DPP6: variants seen among roughly 807,000 people sequenced by gnomAD.
DPP6 encodes dipeptidyl peptidase like 6.
DPP6 carries 69 observed loss-of-function variants against 122.6 expected under a neutral mutation model. That is an observed-to-expected ratio of 0.56 (90% CI 0.46 to 0.69). The LOEUF (loss-of-function observed/expected upper bound fraction) is 0.69, where lower values mean the gene tolerates loss of function less well. Ranked by LOEUF, DPP6 falls within the 30% of genes least tolerant of loss-of-function variation. The pLI is 0.00. For synonymous variants in DPP6, 418 were observed against 433.1 expected, an observed-to-expected ratio of 0.97 and a Z score of 0.43; for missense variants, 928 against 1,116.9, an observed-to-expected ratio of 0.83 and a Z score of 2.41.
At chr7:154,178,189 G>T (rs1234137445) in intron 1 of DPP6, among the ~76,000 whole-genome samples, 1 of 152,120 alleles carries the variant, frequency 6.6e-6, no homozygotes, top group Non-Finnish European at 1.5e-5. Flanking sequence ...AAGAACAAAA[G>T]GTCACTGCTA....
chr7:154,876,955 A>G (rs114531859), intron 20 of DPP6: 4,020 of 152,404 alleles, frequency 0.026, 160 homozygotes, highest in African/African-American at 0.088. Flanking sequence ...CGCCGCGACC[A>G]TGATCATCAC....
chr7:154,549,708 G>T (rs1026874291), intron 4 of DPP6, among the ~76,000 whole-genome samples: 1 of 152,148 alleles, frequency 6.6e-6, no homozygotes, highest in Non-Finnish European at 1.5e-5. Flanking sequence ...TCATTCCCAA[G>T]AAGTCATGTC....
intron 1 of DPP6, among the ~76,000 whole-genome samples, chr7:154,343,254 C>T (rs1810086535): frequency 6.6e-6 from 1 of 152,228 alleles, no homozygotes; most frequent in Non-Finnish European, 1.5e-5. Flanking sequence ...AACCAAGATT[C>T]TGAAGGAGTA....
chr7:154,205,773 A>T (rs1306748289), intron 1 of DPP6, among the ~76,000 whole-genome samples: 3 of 15,798 alleles, frequency 1.9e-4, no homozygotes, highest in Non-Finnish European at 6.7e-4. Context: ...AATTGTTAAA[A>T]AAAAAAAAAA....
Position 154,875,092 on chromosome 7 carries a change from C to T in DPP6, c.1884-814C>T, listed in dbSNP as rs1317193999. Among the ~76,000 whole-genome samples, 2 of 149,160 alleles carry T rather than the reference C, an allele frequency of 1.3e-5. No homozygotes were observed. The highest frequency in any genetic ancestry group is 3.0e-5 in the Non-Finnish European group (2 of 67,606). Reference sequence around the variant, plus strand: ...TCCAGCCTGGCCGACAGAGTGAGACCCTGTCTCAAACAAAAGAAAAAAAAA... The same window carrying T: ...TCCAGCCTGGCCGACAGAGTGAGACTCTGTCTCAAACAAAAGAAAAAAAAA... On this transcript the variant is annotated intron_variant, in intron 19 of 25. Coordinates refer to ENST00000377770, the MANE Select transcript of DPP6 (RefSeq NM_130797.4). This position sits in a 1 kb window ranked among gnomAD's most constrained non-coding sequence, Gnocchi z 4.5.
intron 1 of DPP6, among the ~76,000 whole-genome samples, chr7:153,961,857 T>C (rs183658042): frequency 3.9e-5 from 5 of 127,036 alleles, no homozygotes; most frequent in Admixed American, 2.4e-4. Flanking sequence ...CTGCAGCTGA[T>C]CTGACGGGAG....
At chr7:154,488,779 T>C (rs1586431976) in intron 3 of DPP6, among the ~76,000 whole-genome samples, 1 of 152,078 alleles carries the variant, frequency 6.6e-6, no homozygotes, top group Non-Finnish European at 1.5e-5. Flanking sequence ...CTATGGAAGG[T>C]ACTGTGGCCT....
chr7:154,124,690 C>T (rs1807748120), intron 1 of DPP6, among the ~76,000 whole-genome samples: 1 of 152,164 alleles, frequency 6.6e-6, no homozygotes, highest in African/African-American at 2.4e-5. Context: ...ATGCTTTGTG[C>T]TTTTTGAGCA....
chr7:154,264,058 CT>C (rs1224786239), intron 1 of DPP6, among the ~76,000 whole-genome samples: 1 of 152,132 alleles, frequency 6.6e-6, no homozygotes, highest in Non-Finnish European at 1.5e-5. Context: ...AAGAAAATAA[CT>C]TACATGGCCA....
At chr7:154,494,546 T>C (rs1236081714) in intron 3 of DPP6, among the ~76,000 whole-genome samples, 2 of 151,974 alleles carry the variant, frequency 1.3e-5, no homozygotes. Flanking sequence ...TATGTTCTTA[T>C]AATTTTTGTT....
chr7:154,196,538 G>T (rs974300280), intron 1 of DPP6, among the ~76,000 whole-genome samples: 1 of 152,166 alleles, frequency 6.6e-6, no homozygotes, highest in Non-Finnish European at 1.5e-5. Context: ...ATGAGTAAAT[G>T]AATTCAGTGA....
the DPP6 span, among the ~76,000 whole-genome samples, chr7:153,837,693 T>C: frequency 6.6e-6 from 1 of 152,256 alleles, no homozygotes; most frequent in South Asian, 2.1e-4. Flanking sequence ...TTTTCTTTGT[T>C]TTTATTTTTG....
At chr7:153,970,553 T>G (rs981957140) in intron 1 of DPP6, among the ~76,000 whole-genome samples, 12 of 152,230 alleles carry the variant, frequency 7.9e-5, no homozygotes, top group Non-Finnish European at 1.6e-4. Context: ...ATACTCTATT[T>G]AAGAAAGTTT....
chr7:154,360,427 G>T (rs1300319367), intron 1 of DPP6, among the ~76,000 whole-genome samples: 1 of 152,234 alleles, frequency 6.6e-6, no homozygotes, highest in East Asian at 1.9e-4. Context: ...AACTATTTCT[G>T]GGGCCAGCTT....
intron 1 of DPP6, among the ~76,000 whole-genome samples, chr7:154,414,181 T>C (rs960579790): frequency 6.6e-6 from 1 of 152,224 alleles, no homozygotes; most frequent in Non-Finnish European, 1.5e-5. Flanking sequence ...CCAATTTTTG[T>C]GTACTAATAT....
chr7:154,888,358 G>C (rs1806334088), intron 23 of DPP6, among the ~76,000 whole-genome samples: 1 of 152,140 alleles, frequency 6.6e-6, no homozygotes, highest in African/African-American at 2.4e-5. Flanking sequence ...CAAAGTGCTG[G>C]GATTACAGGT....
At chr7:154,555,610 G>A (rs904590358) in intron 4 of DPP6, among the ~76,000 whole-genome samples, 1 of 151,308 alleles carries the variant, frequency 6.6e-6, no homozygotes, top group East Asian at 1.9e-4. Flanking sequence ...AAAACTTAAA[G>A]TATAATAATA....
At chr7:153,760,083 T>C in the DPP6 span, among the ~76,000 whole-genome samples, 2 of 152,210 alleles carry the variant, frequency 1.3e-5, 1 homozygote, top group Admixed American at 1.3e-4. Context: ...ATCTCAATGA[T>C]GCTTTGCTCA....
chr7:154,892,391 C>CG lies in DPP6; in HGVS notation c.2511dup (p.Ser838ValfsTer69). ...CTCCAGCCTCAAACAGCATCTGTAC[C>CG]GGTCCATCATCAACTTCTTCGTGGA... On this transcript the variant is annotated frameshift_variant, in exon 26 of 26. Transcript: ENST00000377770. LOFTEE classifies it high-confidence loss of function. The CG allele has an allele frequency of 6.2e-7, 1 of 1,614,048 alleles. No individual in the cohort carries two copies. The highest frequency in any genetic ancestry group is 8.5e-7 in the Non-Finnish European group (1 of 1,179,906).
Sources: gnomAD v4.1 joint callset for allele counts (sites outside exome capture counted in the v4.1 genomes callset) on GRCh38, gnomAD v4.1.1 for gene constraint, Gnocchi (gnomAD v3.1) non-coding constraint, MANE v1.5 for transcripts, NCBI Gene and HGNC (gene_info 2026-07-23, HGNC 2026-07-21) for gene names.